MTFR1: variants seen among roughly 807,000 people sequenced by gnomAD.
MTFR1 encodes chondrocyte protein with a poly-proline region.
MTFR1 carries 28 observed loss-of-function variants against 38.8 expected under a neutral mutation model. The ratio of observed to expected loss-of-function variants is 0.72; its 90% confidence interval spans 0.53 to 0.99. MTFR1 has a LOEUF of 0.99. Ranked by LOEUF, MTFR1 falls within the 50% of genes least tolerant of loss-of-function variation. The pLI, the probability that MTFR1 is intolerant of heterozygous loss-of-function variation, is 0.00. For synonymous variants in MTFR1, 145 were observed against 137.0 expected, an observed-to-expected ratio of 1.06 and a Z score of -0.41; for missense variants, 358 against 395.5, an observed-to-expected ratio of 0.91 and a Z score of 0.81.
At chr8:65,747,692 G>A (rs755725036) in intron 3 of MTFR1, 1 of 1,611,198 alleles carries the variant, frequency 6.2e-7, no homozygotes, top group Admixed American at 1.7e-5. Context: ...AATGTTTAGG[G>A]AATTTGAAAC....
chr8:65,734,666 T>C, intron 3 of MTFR1: 1 of 630,922 alleles, frequency 1.6e-6, no homozygotes, highest in South Asian at 2.0e-5. Context: ...TTGATCCAGC[T>C]AGATCTCATT....
chr8:65,715,996 CAAAAAAAAA>C (rs779701295), intron 2 of MTFR1, among the ~76,000 whole-genome samples: 27 of 33,860 alleles, frequency 8.0e-4, no homozygotes, highest in South Asian at 4.6e-3. Context: ...GGCTCTGTCT[CAAAAAAAAA>C]AAAAAAAAAA....
In MTFR1 at chr8:65,708,169, G is replaced by A. The variant is rs181019022; in HGVS notation, c.933+158G>A. On this transcript the variant is annotated intron_variant, in intron 7 of 7. Transcript: ENST00000262146. ...CCTTACAAGTAGATCACGGCTGGTT[G>A]GGAAAAGGATGACATCTTTGCTTAG... 1.1e-4 allele frequency: 154 copies of A among 1,445,296 alleles called. 1 individual carries two copies. In the East Asian group the frequency reaches 1.2e-3, roughly 12 times the overall value. The allele number at this position is 1,445,296 out of a possible 1,614,324, so 89.5% of individuals were successfully genotyped here.
intron 2 of MTFR1, among the ~76,000 whole-genome samples, chr8:65,681,671 G>GTT (rs200580429): frequency 0.019 from 2,092 of 108,318 alleles, 46 homozygotes; most frequent in African/African-American, 0.059. Context: ...TGTTGTTTTT[G>GTT]TTTTTTTTTT....
intron 3 of MTFR1, among the ~76,000 whole-genome samples, chr8:65,736,740 A>T (rs907763200): frequency 4.2e-4 from 62 of 149,080 alleles, no homozygotes; most frequent in African/African-American, 1.5e-3. Flanking sequence ...ACAGAGCAAG[A>T]CTCTCCAAAA....
intron 7 of MTFR1, 90 bp downstream of exon 7, chr8:65,708,101 A>G: frequency 6.2e-7 from 1 of 1,602,970 alleles, no homozygotes; most frequent in East Asian, 2.2e-5. Flanking sequence ...CACCTGTGTC[A>G]TCTGTAAGTT....
chr8:65,769,247 C>CAAAA (rs61554087), intron 3 of MTFR1, among the ~76,000 whole-genome samples: 30 of 74,450 alleles, frequency 4.0e-4, no homozygotes, highest in African/African-American at 9.7e-4. Flanking sequence ...GACTCAGTCT[C>CAAAA]AAAAAAAAAA....
chr8:65,770,800 C>T (rs1268445764), intron 3 of MTFR1: 1 of 156,410 alleles, frequency 6.4e-6, no homozygotes, highest in Non-Finnish European at 1.4e-5. Context: ...ACAATTTGAA[C>T]TTCTTCCACC....
At chr8:65,697,890 T>C (rs2129057235) in intron 4 of MTFR1, among the ~76,000 whole-genome samples, 1 of 152,328 alleles carries the variant, frequency 6.6e-6, no homozygotes, top group East Asian at 1.9e-4. Context: ...TCTTTGTATA[T>C]TCTAGATATG....
At chr8:65,649,512 G>A (rs1407463052) in intron 1 of MTFR1, among the ~76,000 whole-genome samples, 2 of 151,936 alleles carry the variant, frequency 1.3e-5, no homozygotes, top group Non-Finnish European at 2.9e-5. Context: ...ATTTTTGTGG[G>A]TACATAATAG....
intron 3 of MTFR1, among the ~76,000 whole-genome samples, chr8:65,739,808 C>G (rs950271476): frequency 1.3e-5 from 2 of 152,106 alleles, no homozygotes; most frequent in African/African-American, 4.8e-5. Flanking sequence ...TGTTGTTTTA[C>G]TTTTCCACAA....
At chr8:65,727,155 TA>T in intron 3 of MTFR1, 1 of 1,408,058 alleles carries the variant, frequency 7.1e-7, no homozygotes, top group Non-Finnish European at 1.0e-6. Flanking sequence ...ATCTTGATGA[TA>T]AAATTGCACT....
intron 1 of MTFR1, among the ~76,000 whole-genome samples, chr8:65,662,576 G>A: frequency 6.9e-6 from 1 of 144,462 alleles, no homozygotes; most frequent in Admixed American, 7.0e-5. Flanking sequence ...GGGATGTGAG[G>A]AGCCTCTCTG....
intron 3 of MTFR1, among the ~76,000 whole-genome samples, chr8:65,765,131 C>T (rs901122691): frequency 2.0e-5 from 3 of 152,108 alleles, no homozygotes; most frequent in African/African-American, 7.2e-5. Context: ...TGTAAATATC[C>T]TGAAAGGTCC....
At chr8:65,665,669 G>T (rs1032811808) in intron 1 of MTFR1, among the ~76,000 whole-genome samples, 3 of 152,080 alleles carry the variant, frequency 2.0e-5, no homozygotes, top group African/African-American at 7.2e-5. Context: ...GTTTGTTGTT[G>T]TTGTTTTAAA....
chr8:65,774,738 C>T (rs989058137), downstream of MTFR1, among the ~76,000 whole-genome samples: 1 of 150,750 alleles, frequency 6.6e-6, no homozygotes, highest in African/African-American at 2.4e-5. Context: ...TACTATAAAC[C>T]CATAACATGT....
At chr8:65,694,975 T>C (rs1469545516) in intron 4 of MTFR1, among the ~76,000 whole-genome samples, 1 of 152,128 alleles carries the variant, frequency 6.6e-6, no homozygotes, top group Non-Finnish European at 1.5e-5. Context: ...GAGAAGTAGG[T>C]AGAGGTTTGA....
At chr8:65,694,912 G>C (rs1368765870) in intron 4 of MTFR1, among the ~76,000 whole-genome samples, 3 of 152,206 alleles carry the variant, frequency 2.0e-5, no homozygotes, top group Non-Finnish European at 2.9e-5. Context: ...CTGCCAGATG[G>C]CTCAATGAGA....
At chr8:65,699,856 A>C (rs898528931) in intron 4 of MTFR1, among the ~76,000 whole-genome samples, 5 of 152,178 alleles carry the variant, frequency 3.3e-5, no homozygotes, top group African/African-American at 1.2e-4. Context: ...TCTGCCTCTC[A>C]TATTTATATT....
Sources: gnomAD v4.1 joint callset for allele counts (sites outside exome capture counted in the v4.1 genomes callset) on GRCh38, gnomAD v4.1.1 for gene constraint, MANE v1.5 for transcripts, NCBI Gene and HGNC (gene_info 2026-07-23, HGNC 2026-07-21) for gene names.